Variants in CHD6 observed in about 807,000 individuals in gnomAD.
The protein encoded by CHD6 is chromodomain helicase DNA binding protein 6, also known as ATP-dependent chromatin remodeler CHD6.
Under a neutral mutation model 276.9 loss-of-function variants are expected in CHD6, and 50 were observed. The observed-to-expected ratio is 0.18, with a 90% CI of 0.14 to 0.23. The LOEUF (loss-of-function observed/expected upper bound fraction) is 0.23, where lower values mean the gene tolerates loss of function less well. Ranked by LOEUF, CHD6 falls within the 10% of genes least tolerant of loss-of-function variation. The pLI, the probability that CHD6 is intolerant of heterozygous loss-of-function variation, is 1.00. For synonymous variants in CHD6, 1,173 were observed against 1,229.3 expected, an observed-to-expected ratio of 0.95 and a Z score of 0.96; for missense variants, 2,564 against 3,365.8, an observed-to-expected ratio of 0.76 and a Z score of 5.89.
intron 5 of CHD6, among the ~76,000 whole-genome samples, chr20:41,501,763 T>C (rs2043835336): frequency 6.6e-6 from 1 of 152,208 alleles, no homozygotes. Context: ...TTCTCAGTGA[T>C]TGTAAAAATT....
chr20:41,511,177 C>G (rs1011048163), intron 5 of CHD6, among the ~76,000 whole-genome samples: 1 of 152,070 alleles, frequency 6.6e-6, no homozygotes, highest in Admixed American at 6.6e-5. Context: ...GCAAGGTGGT[C>G]GAGGAAGATT....
At chr20:41,433,931 T>TTA (rs1239904103) in intron 27 of CHD6, among the ~76,000 whole-genome samples, 3 of 151,958 alleles carry the variant, frequency 2.0e-5, no homozygotes, top group Non-Finnish European at 4.4e-5. Context: ...CCTAGAAGCA[T>TTA]TAAAAAGCTA....
At chr20:41,588,004 G>C (rs2045614579) in intron 1 of CHD6, among the ~76,000 whole-genome samples, 1 of 152,054 alleles carries the variant, frequency 6.6e-6, no homozygotes, top group African/African-American at 2.4e-5. Flanking sequence ...AAGTAAGAGG[G>C]AGCATAGTGT....
At chr20:41,434,635 G>C (rs1401815609) in intron 27 of CHD6, among the ~76,000 whole-genome samples, 3 of 152,198 alleles carry the variant, frequency 2.0e-5, no homozygotes, top group African/African-American at 4.8e-5. Context: ...CTCCCAAAGT[G>C]CTGGGACTAC....
intron 3 of CHD6, among the ~76,000 whole-genome samples, chr20:41,522,335 G>A (rs1182721106): frequency 6.6e-6 from 1 of 151,944 alleles, no homozygotes; most frequent in Non-Finnish European, 1.5e-5. Context: ...GACAGAGCAA[G>A]ACCCTGTCTC....
intron 1 of CHD6, among the ~76,000 whole-genome samples, chr20:41,553,134 C>G (rs542150643): frequency 1.3e-5 from 2 of 152,040 alleles, no homozygotes; most frequent in African/African-American, 4.8e-5. Flanking sequence ...ATTATCAGAC[C>G]CCAGAAAACT....
At chr20:41,591,375 TATATACAC>T (rs2045656737) in intron 1 of CHD6, among the ~76,000 whole-genome samples, 1 of 121,064 alleles carries the variant, frequency 8.3e-6, no homozygotes, top group African/African-American at 4.1e-5. Flanking sequence ...CATATATATA[TATATACAC>T]ACACACACAC....
chr20:41,609,407 A>T (rs776496971), intron 1 of CHD6, among the ~76,000 whole-genome samples: 1 of 152,248 alleles, frequency 6.6e-6, no homozygotes, highest in Non-Finnish European at 1.5e-5. Context: ...CACTTGTGTC[A>T]AACAGAAGCA....
rs531942123 is a variant in CHD6, at chr20:41,506,716, C to T, written c.852+6130G>A. On this transcript the variant is annotated intron_variant, in intron 5 of 36. Transcript: ENST00000373233. ...ACCTTGGTCCTTTGACCTCCCATGCCGTGTAGGTTCAAAATCTGGCAAACA... is the reference window on the plus strand; with the variant it reads ...ACCTTGGTCCTTTGACCTCCCATGCTGTGTAGGTTCAAAATCTGGCAAACA... 6.6e-5 allele frequency among the ~76,000 whole-genome samples: 10 copies of T among 152,234 alleles called. No individual in the cohort carries two copies. In the South Asian group the frequency reaches 2.1e-3, roughly 32 times the overall value.
Position 41,426,167 on chromosome 20 carries a change from A to G in CHD6, c.4069-14T>C. On this transcript the variant is annotated splice_polypyrimidine_tract_variant and intron_variant, in intron 27 of 36. Transcript: ENST00000373233. ...ACTGGAACTCTCCTAGGGATAAATA[A>G]AGCCATCCCATCAGCAAAACTGCAG... 6.2e-7 allele frequency: 1 copy of G among 1,603,236 alleles called. No homozygotes were observed. The highest frequency in any genetic ancestry group is 8.5e-7 in the Non-Finnish European group (1 of 1,170,080).
At chr20:41,553,505 T>C (rs994989256) in intron 1 of CHD6, among the ~76,000 whole-genome samples, 2 of 152,208 alleles carry the variant, frequency 1.3e-5, no homozygotes, top group East Asian at 3.9e-4. Context: ...CTCTCCTTCT[T>C]TGTTCTTCCC....
intron 16 of CHD6, among the ~76,000 whole-genome samples, chr20:41,474,824 T>A (rs1433749535): frequency 6.6e-6 from 1 of 152,170 alleles, no homozygotes; most frequent in Admixed American, 6.5e-5. Flanking sequence ...TGAAGAAACC[T>A]GACCAACTCA....
In CHD6 at chr20:41,533,583, G is replaced by A; in HGVS notation, c.34-13C>T. 1 of 1,586,318 alleles carries A rather than the reference G, an allele frequency of 6.3e-7. No homozygotes were observed. The highest frequency in any genetic ancestry group is 8.5e-7 in the Non-Finnish European group (1 of 1,172,126). On this transcript the variant is annotated splice_polypyrimidine_tract_variant and intron_variant, in intron 2 of 36. Coordinates refer to ENST00000373233, the MANE Select transcript of CHD6 (RefSeq NM_032221.5). Reference sequence around the variant, plus strand: ...TTAAATTTGACAACTGTAAAAGAAAGAGAAACAAGCATATTACCCTTCCAA... The same window carrying A: ...TTAAATTTGACAACTGTAAAAGAAAAAGAAACAAGCATATTACCCTTCCAA...
chr20:41,481,730 A>T, intron 16 of CHD6, among the ~76,000 whole-genome samples: 1 of 152,142 alleles, frequency 6.6e-6, no homozygotes. Flanking sequence ...TTAAAGGGAT[A>T]TTCATTTATA....
intron 1 of CHD6, among the ~76,000 whole-genome samples, chr20:41,601,499 T>G (rs2045773033): frequency 1.3e-5 from 2 of 152,102 alleles, no homozygotes; most frequent in Non-Finnish European, 2.9e-5. Context: ...CCTCTAAGAG[T>G]GAACTTCAAG....
chr20:41,570,634 G>C (rs1258453544), intron 1 of CHD6, among the ~76,000 whole-genome samples: 1 of 152,142 alleles, frequency 6.6e-6, no homozygotes, highest in Non-Finnish European at 1.5e-5. Context: ...AGTAACTCTT[G>C]CCCTGGCCAA....
chr20:41,544,237 C>G (rs1244262798), intron 2 of CHD6, among the ~76,000 whole-genome samples: 4 of 151,920 alleles, frequency 2.6e-5, no homozygotes, highest in African/African-American at 9.7e-5. Context: ...AAAACTCTGT[C>G]TCAAAAAAAA....
At chr20:41,422,705 GGCTCAGATA>G (rs2047235574) in intron 30 of CHD6, among the ~76,000 whole-genome samples, 1 of 152,102 alleles carries the variant, frequency 6.6e-6, no homozygotes, top group South Asian at 2.1e-4. Flanking sequence ...TAAGGAAATT[GGCTCAGATA>G]AACTACCTTG....
At chr20:41,547,579 G>A (rs566889999) in intron 2 of CHD6, 5 of 525,142 alleles carry the variant, frequency 9.5e-6, no homozygotes, top group Non-Finnish European at 1.9e-5. Flanking sequence ...ACTAGTGACT[G>A]GAAGGGTCTA....
Sources: gnomAD v4.1 joint callset for allele counts (sites outside exome capture counted in the v4.1 genomes callset) on GRCh38, gnomAD v4.1.1 for gene constraint, MANE v1.5 for transcripts, NCBI Gene and HGNC (gene_info 2026-07-23, HGNC 2026-07-21) for gene names.